Variants in MACROD2 observed in about 807,000 individuals in gnomAD.
MACROD2 encodes ADP-ribose glycohydrolase MACROD2.
In MACROD2, 36 loss-of-function variants were observed where a neutral mutation model predicts 70.4. The ratio of observed to expected loss-of-function variants is 0.51; its 90% CI spans 0.39 to 0.68. The LOEUF is 0.68. Among genes scored for constraint, MACROD2 ranks in the 30% least tolerant of loss-of-function variants. The pLI is 0.00. For synonymous variants in MACROD2, 172 were observed against 178.8 expected, an observed-to-expected ratio of 0.96 and a Z score of 0.30; for missense variants, 496 against 538.4, an observed-to-expected ratio of 0.92 and a Z score of 0.78.
intron 6 of MACROD2, among the ~76,000 whole-genome samples, chr20:15,267,117 A>G (rs1359893403): frequency 6.6e-6 from 1 of 152,120 alleles, no homozygotes; most frequent in Non-Finnish European, 1.5e-5. Context: ...AAAAACCTCT[A>G]CGTCCTTCAC....
chr20:14,511,088 C>T (rs957873356), intron 4 of MACROD2, among the ~76,000 whole-genome samples: 4 of 152,074 alleles, frequency 2.6e-5, no homozygotes, highest in African/African-American at 9.7e-5. Flanking sequence ...AATGAAAGAA[C>T]TCCAGGTCTT....
intron 3 of MACROD2, among the ~76,000 whole-genome samples, chr20:14,182,463 C>T (rs1250560216): frequency 1.3e-5 from 2 of 152,072 alleles, no homozygotes; most frequent in African/African-American, 2.4e-5. Context: ...CTTTGAAGCA[C>T]AGAACTTATT....
At position 15,064,135 on chromosome 20, in the gene MACROD2, A is replaced by G. The variant is rs2075555697; in HGVS notation, c.419-165805A>G. ...CCCCCTTTTTTTAGAGGGTGGGTGT[A>G]TACATCAAAGCCTGCATGTGTTAAA... On this transcript the variant is annotated intron_variant, in intron 5 of 17. Transcript: ENST00000684519. Among the ~76,000 whole-genome samples the G allele has an allele frequency of 2.0e-5, 3 of 152,126 alleles. No homozygotes were observed. The South Asian group carries it at 6.2e-4, about 32-fold the overall frequency.
chr20:14,242,854 G>A (rs577037215), intron 3 of MACROD2, among the ~76,000 whole-genome samples: 1 of 152,160 alleles, frequency 6.6e-6, no homozygotes, highest in South Asian at 2.1e-4. Flanking sequence ...AATGTTCAGA[G>A]CCTTTCAGAA....
chr20:14,587,224 A>G (rs1457174833), intron 4 of MACROD2, among the ~76,000 whole-genome samples: 2 of 151,926 alleles, frequency 1.3e-5, no homozygotes, highest in African/African-American at 4.8e-5. Flanking sequence ...TTACCTTGAT[A>G]TATAGAAATA....
chr20:15,965,496 G>A (rs1426999392), intron 12 of MACROD2, among the ~76,000 whole-genome samples: 1 of 152,088 alleles, frequency 6.6e-6, no homozygotes, highest in Non-Finnish European at 1.5e-5. Context: ...TTATTATTCA[G>A]TGTAAATGAA....
intron 2 of MACROD2, among the ~76,000 whole-genome samples, chr20:14,073,579 A>G (rs1329069516): frequency 6.6e-6 from 1 of 152,204 alleles, no homozygotes; most frequent in Non-Finnish European, 1.5e-5. Flanking sequence ...TCACATTATT[A>G]TCCATTTTCT....
chr20:14,979,594 G>T lies in MACROD2; in HGVS notation c.419-250346G>T, dbSNP rs188506013. ...TAATACTTTGAGCTTCCTGGAAAAAGAAATGGGTTCTTGATAAGTTATGTG... is the reference window on the plus strand; with the variant it reads ...TAATACTTTGAGCTTCCTGGAAAAATAAATGGGTTCTTGATAAGTTATGTG... On this transcript the variant is annotated intron_variant, in intron 5 of 17. Transcript: ENST00000684519. Among the ~76,000 whole-genome samples the T allele has an allele frequency of 1.4e-3, 210 of 152,314 alleles. 1 individual carries two copies. The highest frequency in any genetic ancestry group is 4.8e-3 in the African/African-American group (201 of 41,580).
chr20:14,519,972 C>T (rs1050904346), intron 4 of MACROD2, among the ~76,000 whole-genome samples: 9 of 151,954 alleles, frequency 5.9e-5, no homozygotes, highest in Admixed American at 1.3e-4. Context: ...AACAGAAAAC[C>T]GAATACCACA....
chr20:14,385,280 A>T (rs2083457850), intron 3 of MACROD2, among the ~76,000 whole-genome samples: 2 of 152,162 alleles, frequency 1.3e-5, no homozygotes, highest in African/African-American at 2.4e-5. Flanking sequence ...TTAGTTATAC[A>T]TGTTATATAC....
At chr20:14,651,544 A>T (rs930825958) in intron 4 of MACROD2, among the ~76,000 whole-genome samples, 11 of 152,224 alleles carry the variant, frequency 7.2e-5, no homozygotes, top group Non-Finnish European at 1.5e-5. Context: ...AGTCAGCTGG[A>T]TGAGGCAGAG....
At chr20:14,299,484 GT>G (rs1370871403) in intron 3 of MACROD2, among the ~76,000 whole-genome samples, 1 of 152,020 alleles carries the variant, frequency 6.6e-6, no homozygotes, top group Non-Finnish European at 1.5e-5. Flanking sequence ...AAAAAGGGTA[GT>G]TTCTTGAGAT....
At chr20:15,871,125 G>A (rs1426294977) in intron 9 of MACROD2, among the ~76,000 whole-genome samples, 1 of 136,624 alleles carries the variant, frequency 7.3e-6, no homozygotes, top group East Asian at 2.2e-4. Flanking sequence ...GCAGTGAGCC[G>A]AGATCACACC....
intron 5 of MACROD2, among the ~76,000 whole-genome samples, chr20:15,141,700 T>A (rs2076193554): frequency 6.6e-6 from 1 of 152,198 alleles, no homozygotes; most frequent in Non-Finnish European, 1.5e-5. Flanking sequence ...CTTCTTAATA[T>A]TCTTTGCCAC....
intron 3 of MACROD2, among the ~76,000 whole-genome samples, chr20:14,392,190 T>C (rs564977120): frequency 1.3e-5 from 2 of 152,282 alleles, no homozygotes; most frequent in East Asian, 1.9e-4. Context: ...GAACTTGATA[T>C]ATTTCAAGAA....
chr20:15,996,069 G>A (rs894735562), intron 15 of MACROD2, among the ~76,000 whole-genome samples: 4 of 152,034 alleles, frequency 2.6e-5, no homozygotes, highest in African/African-American at 9.7e-5. Flanking sequence ...TTAATTTTTT[G>A]TGGAATCTCA....
At chr20:15,109,348 T>G (rs1042721668) in intron 5 of MACROD2, among the ~76,000 whole-genome samples, 23 of 152,264 alleles carry the variant, frequency 1.5e-4, no homozygotes, top group African/African-American at 5.3e-4. Context: ...ACTCAAGTAG[T>G]AAGACCTAAA....
intron 3 of MACROD2, among the ~76,000 whole-genome samples, chr20:14,451,805 T>C (rs1174822804): frequency 2.6e-5 from 4 of 152,150 alleles, no homozygotes; most frequent in African/African-American, 9.7e-5. Flanking sequence ...GTCTGCTAAG[T>C]GACCTTTTAC....
At chr20:15,476,316 G>A (rs1349125790) in intron 7 of MACROD2, among the ~76,000 whole-genome samples, 5 of 152,078 alleles carry the variant, frequency 3.3e-5, no homozygotes, top group Non-Finnish European at 4.4e-5. Flanking sequence ...AGGCTTTTGT[G>A]ACATATCACT....
Sources: gnomAD v4.1 joint callset for allele counts (sites outside exome capture counted in the v4.1 genomes callset) on GRCh38, gnomAD v4.1.1 for gene constraint, MANE v1.5 for transcripts, NCBI Gene and HGNC (gene_info 2026-07-23, HGNC 2026-07-21) for gene names.